The following TSGA10 variants were observed in gnomAD, a reference collection of about 807,000 sequenced individuals.
TSGA10 encodes the protein testis specific 10.
A neutral mutation model predicts 96.6 loss-of-function variants in TSGA10; 43 were observed. That is an observed-to-expected ratio of 0.44 (90% confidence interval 0.35 to 0.57). TSGA10 has a LOEUF of 0.57. Ranked by LOEUF, TSGA10 falls within the 20% of genes least tolerant of loss-of-function variation. TSGA10 has a pLI of 0.01. For missense variants in TSGA10, 703 were observed against 834.4 expected, an observed-to-expected ratio of 0.84 and a Z score of 1.94; for synonymous variants, 229 against 269.9, an observed-to-expected ratio of 0.85 and a Z score of 1.48.
intron 11 of TSGA10, among the ~76,000 whole-genome samples, chr2:99,080,684 A>G (rs2104589736): frequency 6.6e-6 from 1 of 152,282 alleles, no homozygotes; most frequent in South Asian, 2.1e-4. Flanking sequence ...CTTGAACTAT[A>G]TAATAGCAAG....
At chr2:99,150,583 G>A in intron 1 of TSGA10, 1 of 1,612,866 alleles carries the variant, frequency 6.2e-7, no homozygotes, top group Non-Finnish European at 8.5e-7. Flanking sequence ...TAGTAAATCT[G>A]CTACTCAGGT....
intron 16 of TSGA10, among the ~76,000 whole-genome samples, chr2:99,041,293 T>C (rs2082158958): frequency 6.6e-6 from 1 of 152,334 alleles, no homozygotes; most frequent in Non-Finnish European, 1.5e-5. Context: ...AAAGTAAAAA[T>C]GGCCTTGCTG....
At chr2:99,055,383 T>C (rs374527986) in intron 16 of TSGA10, among the ~76,000 whole-genome samples, 1 of 151,986 alleles carries the variant, frequency 6.6e-6, no homozygotes, top group Non-Finnish European at 1.5e-5. Context: ...AAGCTTCAGT[T>C]AGACAGAAAG....
chr2:99,119,088 G>C (rs183262291), intron 2 of TSGA10, among the ~76,000 whole-genome samples: 1 of 152,106 alleles, frequency 6.6e-6, no homozygotes, highest in Admixed American at 6.5e-5. Flanking sequence ...CTTGCCCTGA[G>C]GTTGCCCTTT....
At chr2:99,107,891 G>A (rs1574422520) in intron 7 of TSGA10, among the ~76,000 whole-genome samples, 1 of 152,144 alleles carries the variant, frequency 6.6e-6, no homozygotes, top group African/African-American at 2.4e-5. Context: ...TACCTTTCAA[G>A]TCTTAGCTCT....
chr2:99,129,697 T>A (rs1365832517), intron 1 of TSGA10, among the ~76,000 whole-genome samples: 1 of 152,222 alleles, frequency 6.6e-6, no homozygotes, highest in Admixed American at 6.5e-5. Context: ...ATGGAACTTG[T>A]GCTCCTGTAC....
intron 16 of TSGA10, among the ~76,000 whole-genome samples, chr2:99,048,106 T>C (rs553835875): frequency 2.0e-4 from 31 of 152,302 alleles, no homozygotes; most frequent in African/African-American, 6.5e-4. Flanking sequence ...TCCATGCTCA[T>C]GGATAGGAAG....
chr2:99,028,594 G>A (rs2080855096), intron 17 of TSGA10, among the ~76,000 whole-genome samples: 1 of 151,926 alleles, frequency 6.6e-6, no homozygotes. Context: ...TGCACCCCTT[G>A]TCCAACGTCT....
chr2:99,064,871 G>T, intron 16 of TSGA10, 68 bp downstream of exon 16: 1 of 1,334,456 alleles, frequency 7.5e-7, no homozygotes, highest in Non-Finnish European at 1.0e-6. Context: ...TTTAATTTAT[G>T]GAAGGCCAAA....
intron 20 of TSGA10, among the ~76,000 whole-genome samples, chr2:99,001,784 A>G (rs1308849549): frequency 4.6e-5 from 7 of 152,188 alleles, no homozygotes; most frequent in African/African-American, 9.7e-5. Context: ...CATAGAGAAG[A>G]CCTTAAATGA....
intron 16 of TSGA10, among the ~76,000 whole-genome samples, chr2:99,039,334 A>AAAAACCAC (rs1558807345): frequency 6.6e-6 from 1 of 151,594 alleles, no homozygotes; most frequent in Non-Finnish European, 1.5e-5. Flanking sequence ...ACTACAAAAG[A>AAAAACCAC]TAAAAGAAAC....
chr2:99,141,238 C>T, intron 1 of TSGA10: 5 of 973,938 alleles, frequency 5.1e-6, no homozygotes, highest in Non-Finnish European at 6.5e-6. Flanking sequence ...CCAAATCGTC[C>T]TGGCCCCGCC....
intron 17 of TSGA10, among the ~76,000 whole-genome samples, chr2:99,029,388 T>G (rs2080938086): frequency 6.6e-6 from 1 of 152,088 alleles, no homozygotes; most frequent in African/African-American, 2.4e-5. Context: ...TAGTGTGAAT[T>G]ATATATCAAC....
chr2:99,084,642 G>C (rs2088017832), intron 10 of TSGA10, among the ~76,000 whole-genome samples: 1 of 152,020 alleles, frequency 6.6e-6, no homozygotes, highest in Non-Finnish European at 1.5e-5. Context: ...GGCAACACAA[G>C]AATAGACTAA....
At chr2:99,071,668 T>A (rs777901661) in intron 14 of TSGA10, 38 bp downstream of exon 14, 1 of 1,578,660 alleles carries the variant, frequency 6.3e-7, no homozygotes, top group South Asian at 1.2e-5. Flanking sequence ...ATTCATATTT[T>A]TTTTTCTTGG....
At chr2:99,094,506 C>G (rs1486478639) in intron 10 of TSGA10, among the ~76,000 whole-genome samples, 1 of 151,236 alleles carries the variant, frequency 6.6e-6, no homozygotes, top group African/African-American at 2.4e-5. Flanking sequence ...ATATATCTGA[C>G]AAAGGACTAA....
chr2:99,015,445 T>C (rs1285401905), intron 20 of TSGA10, among the ~76,000 whole-genome samples: 1 of 152,144 alleles, frequency 6.6e-6, no homozygotes, highest in Non-Finnish European at 1.5e-5. Flanking sequence ...CAGCATCCCT[T>C]TATGGTTAAA....
intron 7 of TSGA10, among the ~76,000 whole-genome samples, chr2:99,106,512 G>T (rs2091350317): frequency 6.6e-6 from 1 of 151,258 alleles, no homozygotes; most frequent in Non-Finnish European, 1.5e-5. Context: ...TGATCCTGCT[G>T]ACCAATTTAC....
chr2:99,064,406 C>T (rs962496482), intron 16 of TSGA10, among the ~76,000 whole-genome samples: 6 of 152,128 alleles, frequency 3.9e-5, no homozygotes, highest in African/African-American at 1.4e-4. Context: ...ATATCTCCAA[C>T]TATGTTTGTT....
Sources: gnomAD v4.1 joint callset for allele counts (sites outside exome capture counted in the v4.1 genomes callset) on GRCh38, gnomAD v4.1.1 for gene constraint, MANE v1.5 for transcripts, NCBI Gene and HGNC (gene_info 2026-07-23, HGNC 2026-07-21) for gene names.